Variants in NPIPB4 observed in about 807,000 individuals in gnomAD.
NPIPB4 encodes the protein nuclear pore complex interacting protein family member B4, also known as nuclear pore complex-interacting protein family member B4.
For missense variants in NPIPB4, 105 were observed against 513.7 expected, an observed-to-expected ratio of 0.20 and a Z score of 7.69; for synonymous variants, 31 against 194.1, an observed-to-expected ratio of 0.16 and a Z score of 6.99.
At chr16:21,850,032 C>T (rs1293827740) in intron 2 of NPIPB4, among the ~76,000 whole-genome samples, 4 of 65,518 alleles carry the variant, frequency 6.1e-5, no homozygotes, top group East Asian at 3.7e-4. Flanking sequence ...GAGGCCGAGG[C>T]GGGCGGATCA....
chr16:21,851,289 G>A (rs1427113066), intron 2 of NPIPB4: 28 of 204,680 alleles, frequency 1.4e-4, no homozygotes, highest in Middle Eastern at 1.7e-3. Context: ...GGGGAGGGGA[G>A]GGGGAGGGGA....
chr16:21,846,187 GAA>G (rs1233258214), intron 3 of NPIPB4, among the ~76,000 whole-genome samples: 1 of 47,426 alleles, frequency 2.1e-5, no homozygotes, highest in Non-Finnish European at 3.8e-5. Flanking sequence ...GGTGAGAAAA[GAA>G]AAAAAAAAAA....
chr16:21,850,395 G>C (rs1360509139), intron 2 of NPIPB4, among the ~76,000 whole-genome samples: 5 of 151,680 alleles, frequency 3.3e-5, no homozygotes, highest in Non-Finnish European at 7.4e-5. Flanking sequence ...GCTCACGCCT[G>C]TAATCCCAGC....
chr16:21,850,558 G>A (rs1438850330), intron 2 of NPIPB4, among the ~76,000 whole-genome samples: 1 of 148,620 alleles, frequency 6.7e-6, no homozygotes, highest in African/African-American at 2.5e-5. Context: ...TGTAATCTGA[G>A]CTACTCAGGA....
At chr16:21,841,979 G>A (rs1186749231) in intron 5 of NPIPB4, among the ~76,000 whole-genome samples, 1 of 151,660 alleles carries the variant, frequency 6.6e-6, no homozygotes, top group African/African-American at 2.4e-5. Context: ...GAAATACCCT[G>A]GCCTTTGTAG....
intron 5 of NPIPB4, chr16:21,840,764 C>G (rs1901700770): frequency 2.9e-6 from 1 of 348,124 alleles, no homozygotes. Flanking sequence ...GTGCTTGACA[C>G]AGCGAAAGCT....
intron 5 of NPIPB4, among the ~76,000 whole-genome samples, chr16:21,842,822 A>AT (rs1901915254): frequency 1.3e-5 from 1 of 74,520 alleles, no homozygotes; most frequent in Non-Finnish European, 2.7e-5. Flanking sequence ...CTATCGCAAA[A>AT]TTAAAAAAAA....
At chr16:21,840,528 C>G (rs1901676918) in intron 5 of NPIPB4, among the ~76,000 whole-genome samples, 1 of 150,684 alleles carries the variant, frequency 6.6e-6, no homozygotes, top group Middle Eastern at 3.5e-3. Context: ...CAAAGATTCC[C>G]CCCTGCAACC....
At chr16:21,850,467 G>A (rs1902412851) in intron 2 of NPIPB4, among the ~76,000 whole-genome samples, 1 of 152,010 alleles carries the variant, frequency 6.6e-6, no homozygotes, top group African/African-American at 2.4e-5. Flanking sequence ...TGGCGAACAT[G>A]GTGAAACCCC....
chr16:21,850,567 G>T (rs1312970386), intron 2 of NPIPB4, among the ~76,000 whole-genome samples: 1 of 147,580 alleles, frequency 6.8e-6, no homozygotes, highest in Non-Finnish European at 1.5e-5. Context: ...AGCTACTCAG[G>T]AGGCTGAGGC....
rs1167193924 is a variant in NPIPB4 at position 21,843,075 on chromosome 16, T to C, written c.545+311A>G. Among the ~76,000 whole-genome samples the C allele has an allele frequency of 1.2e-3, 112 of 93,702 alleles. 2 individuals are homozygous for C. In the East Asian group the frequency reaches 0.029, roughly 25 times the overall value. 61.5% of individuals were successfully genotyped at this position (93,702 alleles called of 152,430 possible). A position where few individuals can be genotyped will look rare whatever the true frequency, so the allele number is the denominator to read the frequency against. On this transcript the variant is annotated intron_variant, in intron 5 of 7. Transcript: ENST00000682606. ...GAACCCAAAAGGCAGTGAGCTGAGATTGTGCCATTGCACTACAGCCTGGGC... is the reference window on the plus strand; with the variant it reads ...GAACCCAAAAGGCAGTGAGCTGAGACTGTGCCATTGCACTACAGCCTGGGC...
Position 21,840,289 on chromosome 16 carries a change from G to A in NPIPB4, c.546-979C>T, listed in dbSNP as rs1426612660. ...GGTTAAAAACAACACTCCAATGGGC[G>A]TTTCCCAAGAGGGTGGGGTACAGTT... On this transcript the variant is annotated intron_variant, in intron 5 of 7. Transcript: ENST00000682606. Among the ~76,000 whole-genome samples, 6 of 55,216 alleles carry A rather than the reference G, an allele frequency of 1.1e-4. No homozygotes were observed. In the East Asian group the frequency reaches 1.8e-3, roughly 17 times the overall value. The allele number at this position is 55,216 out of a possible 152,430, so 36.2% of individuals were successfully genotyped here.
chr16:21,850,669 CT>C (rs1190606680), intron 2 of NPIPB4, among the ~76,000 whole-genome samples: 1 of 2,036 alleles, frequency 4.9e-4, no homozygotes. Context: ...GAGACTCTGT[CT>C]AAAAAAAAAA....
At chr16:21,851,691 AT>A in intron 2 of NPIPB4, 1 of 406,396 alleles carries the variant, frequency 2.5e-6, no homozygotes, top group Non-Finnish European at 4.3e-6. Flanking sequence ...TAGCGCCCGC[AT>A]CATTCCAATG....
chr16:21,850,667 GTC>G (rs1902444691), intron 2 of NPIPB4, among the ~76,000 whole-genome samples: 1 of 5,552 alleles, frequency 1.8e-4, no homozygotes, highest in Non-Finnish European at 2.6e-4. Context: ...GTGAGACTCT[GTC>G]TAAAAAAAAA....
At chr16:21,843,125 GAAAAAAA>G (rs878919179) in intron 5 of NPIPB4, among the ~76,000 whole-genome samples, 8 of 106,438 alleles carry the variant, frequency 7.5e-5, no homozygotes, top group African/African-American at 2.3e-4. Context: ...TCCATCTCAG[GAAAAAAA>G]AAAAAAAAAA....
intron 5 of NPIPB4, among the ~76,000 whole-genome samples, chr16:21,841,933 C>T (rs1901827087): frequency 2.0e-5 from 3 of 151,752 alleles, no homozygotes; most frequent in South Asian, 4.2e-4. Flanking sequence ...CTGGTTGAGA[C>T]CCAGAAGAGT....
chr16:21,850,670 TAAAAAA>T (rs1222161652), intron 2 of NPIPB4, among the ~76,000 whole-genome samples: 3 of 4,192 alleles, frequency 7.2e-4, no homozygotes, highest in East Asian at 8.2e-3. Context: ...AGACTCTGTC[TAAAAAA>T]AAAAAAAAAA....
At chr16:21,850,004 G>T (rs1427534298) in intron 2 of NPIPB4, among the ~76,000 whole-genome samples, 22 of 48,904 alleles carry the variant, frequency 4.5e-4, no homozygotes, top group Admixed American at 1.6e-3. Flanking sequence ...GTTCACGCCT[G>T]TAATCCCAAC....
Sources: gnomAD v4.1 joint callset for allele counts (sites outside exome capture counted in the v4.1 genomes callset) on GRCh38, gnomAD v4.1.1 for gene constraint, MANE v1.5 for transcripts, NCBI Gene and HGNC (gene_info 2026-07-23, HGNC 2026-07-21) for gene names.